PDE7B: variants seen among roughly 807,000 people sequenced by gnomAD.
PDE7B encodes the protein 3',5'-cyclic-AMP phosphodiesterase 7B.
A neutral mutation model predicts 56.2 loss-of-function variants in PDE7B; 29 were observed. That is an observed-to-expected ratio of 0.52 (90% CI 0.38 to 0.70). The LOEUF (loss-of-function observed/expected upper bound fraction) is 0.70, where lower values mean the gene tolerates loss of function less well. PDE7B is among the 30% of genes least tolerant of loss of function. The pLI is 0.00. For synonymous variants in PDE7B, 197 were observed against 196.9 expected, an observed-to-expected ratio of 1.00 and a Z score of 0.00; for missense variants, 490 against 565.0, an observed-to-expected ratio of 0.87 and a Z score of 1.35.
intron 3 of PDE7B, among the ~76,000 whole-genome samples, chr6:136,146,789 A>G (rs1778419600): frequency 6.6e-6 from 1 of 152,220 alleles, no homozygotes; most frequent in African/African-American, 2.4e-5. Flanking sequence ...ATCATTAACA[A>G]GAAAATGAAA....
intron 9 of PDE7B, 72 bp downstream of exon 9, chr6:136,173,960 T>A: frequency 9.3e-7 from 1 of 1,078,266 alleles, no homozygotes; most frequent in Non-Finnish European, 1.4e-6. Context: ...AGGGCAGGCT[T>A]GGGACCTTTT....
At chr6:136,089,117 T>G (rs1056552355) in intron 2 of PDE7B, among the ~76,000 whole-genome samples, 4 of 152,132 alleles carry the variant, frequency 2.6e-5, no homozygotes, top group African/African-American at 9.7e-5. Flanking sequence ...GAAGCCCACT[T>G]AAATGTGAGA....
intron 2 of PDE7B, among the ~76,000 whole-genome samples, chr6:136,043,018 T>C (rs774724199): frequency 6.6e-6 from 1 of 152,246 alleles, no homozygotes; most frequent in African/African-American, 2.4e-5. Flanking sequence ...CAAAAACACT[T>C]GTAAAAATTT....
chr6:135,948,970 A>G (rs1774648015), intron 2 of PDE7B, among the ~76,000 whole-genome samples: 1 of 151,978 alleles, frequency 6.6e-6, no homozygotes, highest in South Asian at 2.1e-4. Flanking sequence ...TCCTTTGTTA[A>G]GCCATGTGTC....
intron 3 of PDE7B, among the ~76,000 whole-genome samples, chr6:136,113,864 TCAG>T (rs1212934508): frequency 6.6e-6 from 1 of 152,170 alleles, no homozygotes; most frequent in East Asian, 1.9e-4. Context: ...TTTAATATAA[TCAG>T]CAGCCTGAGT....
At chr6:136,044,910 C>T (rs1776475183) in intron 2 of PDE7B, 1 of 149,274 alleles carries the variant, frequency 6.7e-6, no homozygotes, top group Admixed American at 6.7e-5. Flanking sequence ...TCTCTGCAAA[C>T]AGTTTCTTTT....
intron 2 of PDE7B, among the ~76,000 whole-genome samples, chr6:135,954,631 A>G (rs974313053): frequency 1.3e-5 from 2 of 152,196 alleles, no homozygotes; most frequent in Non-Finnish European, 2.9e-5. Context: ...TAGAATCCCT[A>G]TTGCCACAGA....
chr6:135,916,713 T>C (rs552869184), intron 1 of PDE7B, among the ~76,000 whole-genome samples: 3 of 151,992 alleles, frequency 2.0e-5, no homozygotes, highest in South Asian at 4.2e-4. Context: ...TTTTATTGGG[T>C]TATCTGTTTA....
At chr6:136,140,803 G>A (rs930716816) in intron 3 of PDE7B, among the ~76,000 whole-genome samples, 2 of 152,118 alleles carry the variant, frequency 1.3e-5, no homozygotes, top group Non-Finnish European at 2.9e-5. Flanking sequence ...TGTGATTTTT[G>A]CTCATTGATT....
chr6:135,861,515 TTATATA>T (rs1491538467), intron 1 of PDE7B, among the ~76,000 whole-genome samples: 2 of 149,158 alleles, frequency 1.3e-5, no homozygotes, highest in African/African-American at 4.9e-5. Flanking sequence ...TTATATATAC[TTATATA>T]TATATAATAA....
intron 2 of PDE7B, among the ~76,000 whole-genome samples, chr6:135,990,663 T>C (rs1775463332): frequency 6.6e-6 from 1 of 152,218 alleles, no homozygotes; most frequent in African/African-American, 2.4e-5. Flanking sequence ...TGACGACATA[T>C]GGTATGTTTG....
rs375167437 is a variant in PDE7B, at chr6:135,926,923, A to G, written c.22-20541A>G. Among the ~76,000 whole-genome samples, 16 of 152,326 alleles carry G rather than the reference A, an allele frequency of 1.1e-4. 1 individual carries two copies. Among genetic ancestry groups the G allele is most frequent in the East Asian group, 7.7e-4 (4 of 5,192 alleles). ...CGCATAATCTTTATGAATTCTTTGAATTAATGTAGCTGCTTGAATTAATGA... is the reference window on the plus strand; with the variant it reads ...CGCATAATCTTTATGAATTCTTTGAGTTAATGTAGCTGCTTGAATTAATGA... On this transcript the variant is annotated intron_variant, in intron 1 of 12. Transcript: ENST00000308191.
intron 1 of PDE7B, among the ~76,000 whole-genome samples, chr6:135,907,514 G>T (rs1038941407): frequency 6.6e-6 from 1 of 152,000 alleles, no homozygotes; most frequent in Non-Finnish European, 1.5e-5. Context: ...TATCAGAGGA[G>T]AATTAGTCCA....
intron 2 of PDE7B, among the ~76,000 whole-genome samples, chr6:136,086,205 G>A (rs1245736990): frequency 1.1e-4 from 16 of 152,138 alleles, no homozygotes. Context: ...TAACTCCTGT[G>A]CTTGGCGAAT....
At chr6:135,984,636 C>A (rs1775347010) in intron 2 of PDE7B, among the ~76,000 whole-genome samples, 2 of 152,026 alleles carry the variant, frequency 1.3e-5, no homozygotes, top group Admixed American at 1.3e-4. Context: ...AAGACTTAGA[C>A]TGGGGTTTAA....
At chr6:136,006,879 T>A (rs1267882831) in intron 2 of PDE7B, among the ~76,000 whole-genome samples, 1 of 152,212 alleles carries the variant, frequency 6.6e-6, no homozygotes, top group African/African-American at 2.4e-5. Context: ...GACTTCCTCT[T>A]TTCCAATTTA....
intron 2 of PDE7B, among the ~76,000 whole-genome samples, chr6:135,992,417 T>C (rs1048144050): frequency 6.6e-6 from 1 of 152,316 alleles, no homozygotes; most frequent in Middle Eastern, 3.4e-3. Context: ...TTCTGTTTCA[T>C]TTCAGGTTTC....
intron 1 of PDE7B, among the ~76,000 whole-genome samples, chr6:135,874,628 G>C (rs959665730): frequency 6.6e-6 from 1 of 152,088 alleles, no homozygotes; most frequent in Non-Finnish European, 1.5e-5. Context: ...ATATCTTTGA[G>C]GTTTGCTTTG....
chr6:135,991,547 T>C (rs568519414), intron 2 of PDE7B, among the ~76,000 whole-genome samples: 27 of 152,216 alleles, frequency 1.8e-4, no homozygotes, highest in Non-Finnish European at 4.0e-4. Flanking sequence ...ACTTCCTGCT[T>C]GCTGATGGCT....
Sources: gnomAD v4.1 joint callset for allele counts (sites outside exome capture counted in the v4.1 genomes callset) on GRCh38, gnomAD v4.1.1 for gene constraint, MANE v1.5 for transcripts, NCBI Gene and HGNC (gene_info 2026-07-23, HGNC 2026-07-21) for gene names.